DNAJC25: variants seen among roughly 807,000 people sequenced by gnomAD.
The protein encoded by DNAJC25 is DnaJ heat shock protein family (Hsp40) member C25, also known as dnaJ homolog subfamily C member 25.
A neutral mutation model predicts 42.1 loss-of-function variants in DNAJC25; 26 were observed. That is an observed-to-expected ratio of 0.62 (90% CI 0.45 to 0.86). The LOEUF (loss-of-function observed/expected upper bound fraction) is 0.86. DNAJC25 is among the 40% of genes least tolerant of loss of function. The pLI, the probability that DNAJC25 is intolerant of heterozygous loss-of-function variation, is 0.00. For missense variants in DNAJC25, 404 were observed against 459.4 expected (o/e 0.88, Z 1.10); for synonymous variants, 189 against 179.9 (o/e 1.05, Z -0.40).
At chr9:111,648,264 G>C (rs1374242848) in intron 2 of DNAJC25, among the ~76,000 whole-genome samples, 2 of 145,894 alleles carry the variant, frequency 1.4e-5, no homozygotes, top group Admixed American at 6.8e-5. Flanking sequence ...AAACGATTCA[G>C]TTTTTTTTTT....
intron 1 of DNAJC25, among the ~76,000 whole-genome samples, chr9:111,637,103 C>T (rs1830373555): frequency 6.6e-6 from 1 of 152,150 alleles, no homozygotes; most frequent in Non-Finnish European, 1.5e-5. Context: ...TTAGCTTGTA[C>T]AGATTTATCG....
At position 111,647,202 on chromosome 9, in the gene DNAJC25, T is replaced by C. The variant is rs923955849; in HGVS notation, c.432T>C (p.Pro144=). ...ACTACTATAGCAGGCGCTTGGCCCC[T>C]AAGGTGGATGTTAGAGTAGTGATTT... is the stretch of plus-strand genomic sequence containing the variant. ...YYHYYSRRLA[P]KVDVRVVILV... is the part of the protein sequence containing the mutation. Residue 144 remains proline, a synonymous_variant, in exon 2 of 4, where the codon CCT becomes CCC. Transcript: ENST00000313525. 1 of 1,614,170 alleles carries C rather than the reference T, an allele frequency of 6.2e-7. No individual in the cohort carries two copies. Among genetic ancestry groups the C allele is most frequent in the African/African-American group, 1.3e-5 (1 of 75,052 alleles).
chr9:111,649,738 T>C lies in DNAJC25; in HGVS notation c.775T>C (p.Tyr259His), dbSNP rs781622335. Residue 259 changes from tyrosine (Y) to histidine (H), a missense_variant, in exon 3 of 4, where the codon TAT (tyrosine) becomes CAT (histidine). Tyr to His is a moderately conservative substitution (Grantham distance 83). Transcript: ENST00000313525. ...IILAPFHLCS[Y>H]IVWYCRWIYN... ...CTTAGCTCCTTTTCACCTATGCTCA[T>C]ATATAGTTTGGTATTGTCGGTGGAT... The C allele has an allele frequency of 3.1e-6, 5 of 1,614,158 alleles. No homozygotes were observed. In the Admixed American group the frequency reaches 6.7e-5, roughly 22 times the overall value.
At chr9:111,646,682 C>T (rs1183661868) in intron 1 of DNAJC25, among the ~76,000 whole-genome samples, 1 of 152,062 alleles carries the variant, frequency 6.6e-6, no homozygotes, top group Non-Finnish European at 1.5e-5. Flanking sequence ...ACTGGCTTCA[C>T]CTAGTTTTTG....
At chr9:111,645,680 G>A (rs7860301) in intron 1 of DNAJC25, among the ~76,000 whole-genome samples, 41,598 of 152,136 alleles carry the variant, frequency 0.27, 6,232 homozygotes, top group East Asian at 0.44. Context: ...ATCCTAAACA[G>A]ACCCCAGAGA....
At chr9:111,653,022 A>G in intron 3 of DNAJC25, 78 bp from the exon 4 acceptor site, 1 of 1,381,382 alleles carries the variant, frequency 7.2e-7, no homozygotes, top group Non-Finnish European at 9.5e-7. Flanking sequence ...TATGTTAGAA[A>G]AATGTAAATA....
At chr9:111,650,943 G>A (rs749747777) in intron 3 of DNAJC25, among the ~76,000 whole-genome samples, 1 of 152,096 alleles carries the variant, frequency 6.6e-6, no homozygotes, top group Admixed American at 6.5e-5. Flanking sequence ...TGAATTGCCC[G>A]ATGTTTTACC....
At chr9:111,645,840 G>C (rs1242810395) in intron 1 of DNAJC25, among the ~76,000 whole-genome samples, 1 of 152,158 alleles carries the variant, frequency 6.6e-6, no homozygotes, top group African/African-American at 2.4e-5. Context: ...GCCCAGACTG[G>C]AGTGTGATGG....
intron 1 of DNAJC25, among the ~76,000 whole-genome samples, chr9:111,641,500 C>T (rs1463333498): frequency 6.1e-5 from 5 of 81,660 alleles, no homozygotes; most frequent in Non-Finnish European, 4.6e-5. Flanking sequence ...CCCCTCTGCC[C>T]GGCCAGCCGC....
chr9:111,639,948 C>CTCCGTGTCCGTG lies in DNAJC25; in HGVS notation c.337-7154_337-7153insGTCCGTGTCCGT, dbSNP rs1390656503. ...TCTCCCTCTCCGTCTCCGTCTCCGTCTCCGTCTCCGTCTCCCCATGGTCTC... is the reference window on the plus strand; with the variant it reads ...TCTCCCTCTCCGTCTCCGTCTCCGTCTCCGTGTCCGTGTCCGTCTCCGTCTCCCCATGGTCTC... On this transcript the variant is annotated intron_variant, in intron 1 of 3. Transcript: ENST00000313525. 5.9e-3 allele frequency among the ~76,000 whole-genome samples: 877 copies of CTCCGTGTCCGTG among 149,466 alleles called. 9 individuals carry two copies. The highest frequency in any genetic ancestry group is 0.021 in the African/African-American group (830 of 40,362).
chr9:111,650,074 C>CT, intron 3 of DNAJC25, 151 bp downstream of exon 3: 1 of 710,370 alleles, frequency 1.4e-6, no homozygotes, highest in Middle Eastern at 4.2e-4. Flanking sequence ...AAGTAGGACT[C>CT]TATTTGGTAG....
Position 111,641,145 on chromosome 9 carries a change from A to G in DNAJC25, c.337-5962A>G, listed in dbSNP as rs113024151. Among the ~76,000 whole-genome samples the G allele has an allele frequency of 3.2e-3, 136 of 42,358 alleles. 1 individual carries two copies. The highest frequency in any genetic ancestry group is 0.017 in the Middle Eastern group (1 of 58). The allele number at this position is 42,358 out of a possible 152,430, so 27.8% of individuals were successfully genotyped here. A position where few individuals can be genotyped will look rare whatever the true frequency, so the allele number is the denominator to read the frequency against. On this transcript the variant is annotated intron_variant, in intron 1 of 3. Coordinates refer to ENST00000313525, the MANE Select transcript of DNAJC25 (RefSeq NM_001015882.3). ...GGGAGATGGGGGGGTCAGCCCCCCCACCCGGCCAGCCGCCCCATCCGGGAG... is the reference window on the plus strand; with the variant it reads ...GGGAGATGGGGGGGTCAGCCCCCCCGCCCGGCCAGCCGCCCCATCCGGGAG...
chr9:111,647,848 G>A (rs992541122), intron 2 of DNAJC25, among the ~76,000 whole-genome samples: 5 of 152,172 alleles, frequency 3.3e-5, no homozygotes, highest in African/African-American at 7.2e-5. Context: ...GCACAATTTC[G>A]GCTCACTGCA....
At position 111,653,036 on chromosome 9, in the gene DNAJC25, C is replaced by CT; in HGVS notation, c.961-64_961-63insT. The CT allele has an allele frequency of 4.9e-6, 7 of 1,427,818 alleles. No individual in the cohort carries two copies. In the South Asian group the frequency reaches 1.2e-4, roughly 25 times the overall value. The allele number at this position is 1,427,818 out of a possible 1,614,324, so 88.4% of individuals were successfully genotyped here. On this transcript the variant is annotated intron_variant, in intron 3 of 3. Coordinates refer to ENST00000313525, the MANE Select transcript of DNAJC25 (RefSeq NM_001015882.3). ...TTATGTTAGAAAAATGTAAATATGC[C>CT]ATAAAGCTAATGGCAAATGTTCCTC... is the stretch of plus-strand genomic sequence containing the variant.
intron 1 of DNAJC25, among the ~76,000 whole-genome samples, chr9:111,645,922 G>A (rs1830562365): frequency 6.6e-6 from 1 of 152,252 alleles, no homozygotes; most frequent in South Asian, 2.1e-4. Flanking sequence ...ATGCCACCAT[G>A]CCCTGTGCAA....
At chr9:111,646,911 T>C (rs1221348810) in intron 1 of DNAJC25, 196 bp from the exon 2 acceptor site, 3 of 475,160 alleles carry the variant, frequency 6.3e-6, no homozygotes, top group Non-Finnish European at 1.0e-5. Context: ...GTTATGCTTT[T>C]ATATCTAACA....
chr9:111,636,782 G>A (rs1423645195), intron 1 of DNAJC25, among the ~76,000 whole-genome samples: 2 of 152,100 alleles, frequency 1.3e-5, no homozygotes, highest in African/African-American at 4.8e-5. Context: ...GACCTTTTCT[G>A]GGTTTAGTGG....
chr9:111,653,144 A>G lies in DNAJC25; in HGVS notation c.1005A>G (p.Ala335=), dbSNP rs747421750. ...EQEEELKKKL[A]NDPRWKRYRR... ...AGGAAGAATTAAAGAAAAAGTTGGC[A>G]AATGACCCCAGATGGAAGAGATACA... Residue 335 remains alanine, a synonymous_variant, in exon 4 of 4, where the codon GCA becomes GCG. Coordinates refer to ENST00000313525, the MANE Select transcript of DNAJC25 (RefSeq NM_001015882.3). The G allele has an allele frequency of 6.2e-7, 1 of 1,603,348 alleles. No individual in the cohort carries two copies. The highest frequency in any genetic ancestry group is 1.1e-5 in the South Asian group (1 of 89,694).
chr9:111,632,824 G>C (rs1830306833), intron 1 of DNAJC25, among the ~76,000 whole-genome samples: 2 of 152,136 alleles, frequency 1.3e-5, no homozygotes, highest in African/African-American at 4.8e-5. Flanking sequence ...AATAGTCAAG[G>C]AGCTAACAAC....
Sources: gnomAD v4.1 joint callset for allele counts (sites outside exome capture counted in the v4.1 genomes callset) on GRCh38, gnomAD v4.1.1 for gene constraint, MANE v1.5 for transcripts, NCBI Gene and HGNC (gene_info 2026-07-23, HGNC 2026-07-21) for gene names.